Variants in CDKAL1 observed in about 807,000 individuals in gnomAD.
CDKAL1 encodes the protein CDKAL1 threonylcarbamoyladenosine tRNA methylthiotransferase, also known as threonylcarbamoyladenosine tRNA methylthiotransferase.
Under a neutral mutation model 68.2 loss-of-function variants are expected in CDKAL1, and 32 were observed. The ratio of observed to expected loss-of-function variants is 0.47; its 90% confidence interval spans 0.35 to 0.63. The LOEUF (loss-of-function observed/expected upper bound fraction) is 0.63, where lower values mean the gene tolerates loss of function less well. CDKAL1 is among the 30% of genes least tolerant of loss of function. The probability of loss-of-function intolerance (pLI) is 0.00; values close to 1 mark genes in which losing one functional copy is unlikely to be tolerated. For synonymous variants in CDKAL1, 234 were observed against 244.3 expected, an observed-to-expected ratio of 0.96 and a Z score of 0.39; for missense variants, 606 against 696.7, an observed-to-expected ratio of 0.87 and a Z score of 1.47.
At chr6:20,842,017 T>G (rs1778192727) in intron 8 of CDKAL1, among the ~76,000 whole-genome samples, 1 of 152,214 alleles carries the variant, frequency 6.6e-6, no homozygotes, top group African/African-American at 2.4e-5. Context: ...AGATCTTTTG[T>G]TTTCTGACAG....
chr6:21,205,773 T>C (rs562421814), intron 15 of CDKAL1, among the ~76,000 whole-genome samples: 58 of 149,038 alleles, frequency 3.9e-4, no homozygotes, highest in Middle Eastern at 3.5e-3. Context: ...CCTCGTGATC[T>C]GCCCGCCTTG....
chr6:20,800,534 A>G (rs1776323668), intron 8 of CDKAL1: 1 of 152,170 alleles, frequency 6.6e-6, no homozygotes. Context: ...GTTTTCATAT[A>G]TATGTATGAA....
chr6:21,153,338 G>T (rs1776503551), intron 13 of CDKAL1, among the ~76,000 whole-genome samples: 1 of 147,462 alleles, frequency 6.8e-6, no homozygotes, highest in Non-Finnish European at 1.5e-5. Context: ...AGACTGTAAT[G>T]AATTAACCTA....
At chr6:20,633,964 A>C (rs560013157) in intron 4 of CDKAL1, among the ~76,000 whole-genome samples, 2 of 152,218 alleles carry the variant, frequency 1.3e-5, no homozygotes, top group South Asian at 4.1e-4. Context: ...AAAATCTAGA[A>C]GTGGTTCTTA....
rs1180740102 is a variant in CDKAL1 at position 20,918,710 on chromosome 6, G to A, written c.743-36709G>A. Among the ~76,000 whole-genome samples, 5 of 152,110 alleles carry A rather than the reference G, an allele frequency of 3.3e-5. No homozygotes were observed. The East Asian group carries it at 5.8e-4, about 18-fold the overall frequency. On this transcript the variant is annotated intron_variant, in intron 9 of 15. Coordinates refer to ENST00000274695, the MANE Select transcript of CDKAL1 (RefSeq NM_017774.3). ...TGGAGTTGATAATTCTCTTACTTCC[G>A]CTTCTCAGTTTCTTTACTTACTCAT...
At chr6:20,566,943 A>AG (rs1206619078) in intron 4 of CDKAL1, among the ~76,000 whole-genome samples, 3 of 152,112 alleles carry the variant, frequency 2.0e-5, no homozygotes, top group Non-Finnish European at 4.4e-5. Flanking sequence ...ATCTTTCCTC[A>AG]TCTACAGAAG....
At chr6:20,705,423 T>G (rs1771551481) in intron 5 of CDKAL1, among the ~76,000 whole-genome samples, 1 of 152,354 alleles carries the variant, frequency 6.6e-6, no homozygotes, top group East Asian at 1.9e-4. Context: ...ACAAAATATT[T>G]TATAAAGAAC....
chr6:20,657,884 C>G (rs950643328), intron 5 of CDKAL1, among the ~76,000 whole-genome samples: 1 of 151,920 alleles, frequency 6.6e-6, no homozygotes, highest in South Asian at 2.1e-4. Flanking sequence ...GCTAGGAAGC[C>G]CCCTGTGTTA....
At chr6:21,013,065 C>T (rs528370155) in intron 11 of CDKAL1, among the ~76,000 whole-genome samples, 5 of 152,280 alleles carry the variant, frequency 3.3e-5, no homozygotes, top group Admixed American at 6.5e-5. Flanking sequence ...ACTGATGACT[C>T]CTTTGAGGTC....
In CDKAL1 at chr6:20,693,129, CAAAAAAAAA is replaced by C. The variant is rs70990059; in HGVS notation, c.371+43772_371+43780del. Reference sequence around the variant, plus strand: ...TGGGCAACAAAGCGAGACTCTGTCTCAAAAAAAAAAAAAAAAAAAAAAAAAAAAGACAGT... The same window carrying C: ...TGGGCAACAAAGCGAGACTCTGTCTCAAAAAAAAAAAAAAAAAAAGACAGT... On this transcript the variant is annotated intron_variant, in intron 5 of 15. Coordinates refer to ENST00000274695, the MANE Select transcript of CDKAL1 (RefSeq NM_017774.3). 4.6e-3 allele frequency among the ~76,000 whole-genome samples: 313 copies of C among 67,604 alleles called. 3 individuals are homozygous for C. Among genetic ancestry groups the C allele is most frequent in the Middle Eastern group, 0.014 (2 of 140 alleles). The allele number at this position is 67,604 out of a possible 152,430, so 44.4% of individuals were successfully genotyped here. A position where few individuals can be genotyped will look rare whatever the true frequency, so the allele number is the denominator to read the frequency against.
intron 8 of CDKAL1, among the ~76,000 whole-genome samples, chr6:20,814,347 T>A (rs1305580828): frequency 1.3e-5 from 2 of 152,230 alleles, no homozygotes; most frequent in Non-Finnish European, 2.9e-5. Context: ...ATAGTCATGT[T>A]GTCTGTGAAT....
chr6:20,819,928 G>C (rs1777205989), intron 8 of CDKAL1, among the ~76,000 whole-genome samples: 1 of 152,172 alleles, frequency 6.6e-6, no homozygotes, highest in South Asian at 2.1e-4. Flanking sequence ...ACCGCTTTCA[G>C]TGATGCCTCG....
At chr6:20,653,780 A>G (rs774893208) in intron 5 of CDKAL1, among the ~76,000 whole-genome samples, 11 of 151,866 alleles carry the variant, frequency 7.2e-5, no homozygotes, top group Non-Finnish European at 1.6e-4. Context: ...ACACCCAGCT[A>G]ATTTTTGTTT....
At chr6:21,129,047 A>G (rs1775155123) in intron 13 of CDKAL1, among the ~76,000 whole-genome samples, 1 of 152,248 alleles carries the variant, frequency 6.6e-6, no homozygotes, top group Non-Finnish European at 1.5e-5. Context: ...AAATGGGAAT[A>G]AAAACAATAG....
intron 10 of CDKAL1, among the ~76,000 whole-genome samples, chr6:20,975,299 G>A (rs1765790584): frequency 6.6e-6 from 1 of 152,096 alleles, no homozygotes. Flanking sequence ...GTTCCAAATT[G>A]CCTAATTTCA....
At chr6:20,565,275 A>G (rs2127672312) in intron 4 of CDKAL1, among the ~76,000 whole-genome samples, 1 of 152,218 alleles carries the variant, frequency 6.6e-6, no homozygotes, top group East Asian at 1.9e-4. Flanking sequence ...TCCAAGATAT[A>G]ATAATTTCAG....
intron 9 of CDKAL1, among the ~76,000 whole-genome samples, chr6:20,873,246 T>A (rs1760317704): frequency 6.6e-6 from 1 of 152,166 alleles, no homozygotes; most frequent in African/African-American, 2.4e-5. Flanking sequence ...ATAGATTAGT[T>A]GTTCTCAGTC....
At position 20,635,391 on chromosome 6, in the gene CDKAL1, T is replaced by C. The variant is rs115681810; in HGVS notation, c.287-13902T>C. The stretch of plus-strand genomic sequence containing the variant: ...TCCCAAAGGGCAACTCCTGCTATTC[T>C]AGCCCCTGTCAAATGATCCCAGCTA... On this transcript the variant is annotated intron_variant, in intron 4 of 15. Coordinates refer to ENST00000274695, the MANE Select transcript of CDKAL1 (RefSeq NM_017774.3). Among the ~76,000 whole-genome samples, 853 of 152,328 alleles carry C rather than the reference T, an allele frequency of 5.6e-3. 12 individuals are homozygous for C. Among genetic ancestry groups the C allele is most frequent in the African/African-American group, 0.019 (806 of 41,570 alleles).
At chr6:20,739,668 A>G in intron 6 of CDKAL1, 53 bp downstream of exon 6, 1 of 932,626 alleles carries the variant, frequency 1.1e-6, no homozygotes, top group Non-Finnish European at 1.7e-6. Context: ...TAACACCTGT[A>G]ATAGCTCCGC....
Sources: gnomAD v4.1 joint callset for allele counts (sites outside exome capture counted in the v4.1 genomes callset) on GRCh38, gnomAD v4.1.1 for gene constraint, MANE v1.5 for transcripts, NCBI Gene and HGNC (gene_info 2026-07-23, HGNC 2026-07-21) for gene names.